Variants in NEB observed in about 807,000 individuals in gnomAD.
NEB encodes the protein nebulin.
NEB carries 512 observed loss-of-function variants against 952.2 expected under a neutral mutation model. The observed-to-expected ratio is 0.54, with a 90% CI of 0.50 to 0.58. The LOEUF (loss-of-function observed/expected upper bound fraction) is 0.58, where lower values mean the gene tolerates loss of function less well. Ranked by LOEUF, NEB falls within the 20% of genes least tolerant of loss-of-function variation. The pLI is 0.00. For synonymous variants in NEB, 2,900 were observed against 3,149.8 expected (o/e 0.92, Z 2.66); for missense variants, 8,428 against 9,231.1 (o/e 0.91, Z 3.56).
chr2:151,713,010 A>C (rs1203068260), intron 10 of NEB, among the ~76,000 whole-genome samples: 1 of 152,160 alleles, frequency 6.6e-6, no homozygotes, highest in Non-Finnish European at 1.5e-5. Flanking sequence ...TTTGTTTAAC[A>C]GAGGAATGTA....
intron 70 of NEB, 105 bp downstream of exon 70, chr2:151,626,897 G>T: frequency 7.4e-7 from 1 of 1,360,034 alleles, no homozygotes; most frequent in East Asian, 2.3e-5. Flanking sequence ...ACTATACATT[G>T]GATAGCAATT....
intron 163 of NEB, 71 bp from the exon 164 acceptor site, chr2:151,506,329 A>G: frequency 8.7e-7 from 1 of 1,143,382 alleles, no homozygotes; most frequent in Non-Finnish European, 1.3e-6. Context: ...GAGAAAGACT[A>G]GGACACATGG....
rs895959184 is a variant in NEB, at chr2:151,650,695, G to T, written c.7106C>A (p.Ala2369Asp). 10 of 1,613,742 alleles carry T rather than the reference G, an allele frequency of 6.2e-6. No individual in the cohort carries two copies. The highest frequency in any genetic ancestry group is 8.5e-6 in the Non-Finnish European group (10 of 1,179,870). ...ACTAACCAACTCCTGACACTTCTTG[G>T]CCAGTACCACTCCCAACATGTCCAC... The part of the protein sequence containing the change: ...SPVDMLGVVL[A>D]KKCQELVSDV... The change falls in exon 53 of 182, where the codon GCC becomes GAC. Residue 2369 changes from alanine to aspartate, a missense_variant. By Grantham distance (126) the Ala-to-Asp change is moderately radical. Coordinates refer to ENST00000397345, the MANE Select transcript of NEB (RefSeq NM_001164508.2).
intron 145 of NEB, chr2:151,530,713 C>G: frequency 3.2e-6 from 1 of 314,158 alleles, no homozygotes; most frequent in Non-Finnish European, 5.8e-6. Context: ...TAGCCCAGCT[C>G]CCAGCCCGCA....
In NEB at chr2:151,575,760, T is replaced by C. The variant is rs1386459733; in HGVS notation, c.16948A>G (p.Ile5650Val). Residue 5650 changes from isoleucine to valine, a missense_variant, in exon 107 of 182, where the codon ATA (isoleucine) becomes GTA (valine). This residue lies in a region of NEB where 3,374 missense variants were observed against 3,651.5 expected (regional missense o/e 0.92). Transcript: ENST00000397345. ...TCTGGAGTATCTGGCATTATGTGTA[T>C]TGAAGTTTTATCCTTGTCCCAAACC... ...REVWDKDKTSIHIMPDTPEIN... is the reference protein window; with the variant it reads ...REVWDKDKTSVHIMPDTPEIN... The C allele has an allele frequency of 2.5e-6, 4 of 1,610,898 alleles. No individual in the cohort carries two copies. Among genetic ancestry groups the C allele is most frequent in the South Asian group, 2.2e-5 (2 of 91,014 alleles).
chr2:151,620,345 G>A (rs547975375), intron 72 of NEB, among the ~76,000 whole-genome samples: 1,330 of 87,256 alleles, frequency 0.015, 39 homozygotes, highest in African/African-American at 0.063. Flanking sequence ...ATGTATGTGT[G>A]TGTATATATA....
At chr2:151,631,675 G>T (rs1359077835) in intron 65 of NEB, among the ~76,000 whole-genome samples, 2 of 152,132 alleles carry the variant, frequency 1.3e-5, no homozygotes, top group African/African-American at 4.8e-5. Context: ...CCACACCCGT[G>T]CCCAACATCA....
chr2:151,687,376 G>A, intron 27 of NEB, 43 bp downstream of exon 27: 1 of 1,522,004 alleles, frequency 6.6e-7, no homozygotes, highest in Non-Finnish European at 9.1e-7. Context: ...ATCGTAACAG[G>A]GAGTCCATCT....
chr2:151,512,339 C>CTT (rs943434444), intron 161 of NEB, among the ~76,000 whole-genome samples: 16 of 148,664 alleles, frequency 1.1e-4, no homozygotes, highest in East Asian at 5.9e-4. Flanking sequence ...GGGCTTCTCT[C>CTT]TTTTTTTTTT....
intron 133 of NEB, 88 bp downstream of exon 133, chr2:151,547,341 G>A: frequency 6.8e-6 from 7 of 1,024,486 alleles, no homozygotes; most frequent in Non-Finnish European, 1.0e-5. Flanking sequence ...AGAAAAGGCT[G>A]TTCAAAGACC....
intron 13 of NEB, among the ~76,000 whole-genome samples, chr2:151,698,635 A>AT (rs1269569080): frequency 0.027 from 3,461 of 130,530 alleles, 87 homozygotes; most frequent in African/African-American, 0.045. Context: ...TACTTCATTA[A>AT]TTTTTTTTTT....
At chr2:151,491,434 G>T in intron 179 of NEB, 2 of 342,384 alleles carry the variant, frequency 5.8e-6, no homozygotes, top group Non-Finnish European at 1.1e-5. Flanking sequence ...TTTTTTCTTT[G>T]GAAGAAAAAT....
In NEB at chr2:151,663,631, T is replaced by A. The variant is rs150961139; in HGVS notation, c.5680A>T (p.Arg1894Trp). ...ATGTTGTAGGTATGGATCACGTTCCTGTAGTTGGCATTGGTGGCCACTTCC... is the reference window on the plus strand; with the variant it reads ...ATGTTGTAGGTATGGATCACGTTCCAGTAGTTGGCATTGGTGGCCACTTCC... Reference protein sequence around the residue: ...SQEVATNANYRNVIHTYNMLP... With the variant: ...SQEVATNANYWNVIHTYNMLP... Residue 1894 changes from arginine (R) to tryptophan (W), a missense_variant, in exon 45 of 182, where the codon AGG becomes TGG. Around this residue, in one of 11 missense-constraint regions of NEB, gnomAD observed 2,851 missense variants for 2,791.5 expected, o/e 1.02. Transcript: ENST00000397345. 24 of 1,613,846 alleles carry A rather than the reference T, an allele frequency of 1.5e-5. No individual in the cohort carries two copies.
chr2:151,641,173 A>G (rs951538839), intron 60 of NEB, among the ~76,000 whole-genome samples: 2 of 152,198 alleles, frequency 1.3e-5, no homozygotes, highest in South Asian at 4.1e-4. Flanking sequence ...AAAAATTAAG[A>G]TGTAATTCTG....
At chr2:151,618,593 C>T (rs1274079652) in intron 73 of NEB, 115 bp from the exon 74 acceptor site, 1 of 1,039,136 alleles carries the variant, frequency 9.6e-7, no homozygotes, top group African/African-American at 1.6e-5. Flanking sequence ...AGGTTCCTAG[C>T]ATAGTCATTC....
intron 167 of NEB, among the ~76,000 whole-genome samples, chr2:151,502,510 G>A (rs1335663845): frequency 1.3e-5 from 2 of 151,988 alleles, no homozygotes; most frequent in Non-Finnish European, 2.9e-5. Flanking sequence ...TTTTGACTGT[G>A]TTACACCAGT....
chr2:151,654,342 C>T (rs920970595), intron 51 of NEB, among the ~76,000 whole-genome samples: 2 of 152,188 alleles, frequency 1.3e-5, no homozygotes, highest in South Asian at 2.1e-4. Context: ...TTTATCATAG[C>T]TTCTGCTGTT....
At chr2:151,631,004 T>C in intron 66 of NEB, 139 bp downstream of exon 66, 1 of 1,295,858 alleles carries the variant, frequency 7.7e-7, no homozygotes, top group South Asian at 1.5e-5. Context: ...ATCAAAATTA[T>C]TTAGAGGATT....
intron 10 of NEB, among the ~76,000 whole-genome samples, chr2:151,714,618 G>C (rs2099754214): frequency 6.6e-6 from 1 of 152,086 alleles, no homozygotes; most frequent in African/African-American, 2.4e-5. Flanking sequence ...CCAACCTTCA[G>C]TGGGCCAAGG....
Sources: gnomAD v4.1 joint callset for allele counts (sites outside exome capture counted in the v4.1 genomes callset) on GRCh38, gnomAD v4.1.1 for gene constraint, gnomAD v4.1.1 regional missense constraint, MANE v1.5 for transcripts, NCBI Gene and HGNC (gene_info 2026-07-23, HGNC 2026-07-21) for gene names.